RAPSN: variants seen among roughly 807,000 people sequenced by gnomAD.
RAPSN encodes 43 kDa receptor-associated protein of the synapse.
A neutral mutation model predicts 45.7 loss-of-function variants in RAPSN; 33 were observed. The ratio of observed to expected loss-of-function variants is 0.72; its 90% CI spans 0.55 to 0.97. RAPSN has a LOEUF of 0.97. Among genes scored for constraint, RAPSN ranks in the 50% least tolerant of loss-of-function variants. RAPSN has a pLI of 0.00. For synonymous variants in RAPSN, 244 were observed against 233.6 expected (o/e 1.04, Z -0.40); for missense variants, 519 against 559.4 (o/e 0.93, Z 0.73).
In RAPSN at chr11:47,437,872, G is replaced by A; in HGVS notation, c.*103C>T. 6.9e-7 allele frequency: 1 copy of A among 1,459,778 alleles called. No homozygotes were observed. Among genetic ancestry groups the A allele is most frequent in the Non-Finnish European group, 9.4e-7 (1 of 1,066,716 alleles). 90.4% of individuals were successfully genotyped at this position (1,459,778 alleles called of 1,614,324 possible). A position where few individuals can be genotyped will look rare whatever the true frequency, so the allele number is the denominator to read the frequency against. On this transcript the variant is annotated 3_prime_UTR_variant, in exon 8 of 8. Coordinates refer to ENST00000298854, the MANE Select transcript of RAPSN (RefSeq NM_005055.5). ...GGCAGGCCCCAAGGCCTTGGCTATG[G>A]TGAGGACGACCTGGCAGCTGCCCCA... is the stretch of plus-strand genomic sequence containing the variant.
intron 2 of RAPSN, among the ~76,000 whole-genome samples, chr11:47,446,862 A>G (rs1291331142): frequency 1.3e-5 from 2 of 152,072 alleles, no homozygotes; most frequent in African/African-American, 4.8e-5. Flanking sequence ...CCGAGATGGC[A>G]CCACTGCACT....
intron 6 of RAPSN, among the ~76,000 whole-genome samples, chr11:47,439,330 C>T (rs2076343820): frequency 6.6e-6 from 1 of 152,024 alleles, no homozygotes; most frequent in Non-Finnish European, 1.5e-5. Context: ...AAAAATTAGC[C>T]GGGGGTGGTG....
chr11:47,445,454 G>T (rs1164895779), intron 2 of RAPSN, among the ~76,000 whole-genome samples: 2 of 151,316 alleles, frequency 1.3e-5, no homozygotes, highest in African/African-American at 4.8e-5. Context: ...AAATTAGCTG[G>T]GCATAGTGGC....
intron 6 of RAPSN, among the ~76,000 whole-genome samples, chr11:47,440,854 G>T (rs368306772): frequency 3.5e-4 from 53 of 151,966 alleles, no homozygotes; most frequent in Non-Finnish European, 8.8e-5. Context: ...CTCCTACCTC[G>T]GCCTCCCAAA....
At chr11:47,440,593 C>G (rs2153307781) in intron 6 of RAPSN, among the ~76,000 whole-genome samples, 2 of 152,136 alleles carry the variant, frequency 1.3e-5, no homozygotes, top group Admixed American at 6.5e-5. Context: ...ATAAAAAATA[C>G]AAAAATTAGC....
intron 6 of RAPSN, among the ~76,000 whole-genome samples, chr11:47,439,711 G>GTTTT (rs2076348057): frequency 7.9e-5 from 4 of 50,412 alleles, no homozygotes; most frequent in East Asian, 6.9e-4. Context: ...AGATTATGAC[G>GTTTT]ATTTTTTTTT....
chr11:47,441,495 G>A (rs550113531), intron 5 of RAPSN, 116 bp downstream of exon 5: 39 of 1,533,104 alleles, frequency 2.5e-5, no homozygotes, highest in African/African-American at 1.4e-4. Context: ...TCCTGGCCTC[G>A]TAGGATCAGG....
intron 6 of RAPSN, among the ~76,000 whole-genome samples, chr11:47,440,007 G>C (rs1428007463): frequency 6.6e-6 from 1 of 152,058 alleles, no homozygotes. Context: ...TGGTTTTTAG[G>C]CCATGCTAAT....
chr11:47,438,071 C>T, intron 7 of RAPSN, 24 bp from the exon 8 acceptor site: 1 of 1,549,486 alleles, frequency 6.5e-7, no homozygotes, highest in South Asian at 1.2e-5. Flanking sequence ...GGGCCCTGTC[C>T]ACTCCCCTGA....
At chr11:47,442,191 T>C (rs1408109263) in intron 3 of RAPSN, among the ~76,000 whole-genome samples, 1 of 152,178 alleles carries the variant, frequency 6.6e-6, no homozygotes, top group Non-Finnish European at 1.5e-5. Context: ...TCAGTGGGAC[T>C]CCAGAAACTG....
intron 6 of RAPSN, among the ~76,000 whole-genome samples, chr11:47,440,011 T>C (rs1005830093): frequency 2.0e-4 from 31 of 152,166 alleles, no homozygotes; most frequent in Non-Finnish European, 7.3e-5. Context: ...TTTTAGGCCA[T>C]GCTAATCTTC....
chr11:47,437,810 G>T lies in RAPSN; in HGVS notation c.*165C>A, dbSNP rs954767633. The T allele has an allele frequency of 1.2e-6, 1 of 810,412 alleles. No homozygotes were observed. Among genetic ancestry groups the T allele is most frequent in the Non-Finnish European group, 2.1e-6 (1 of 484,236 alleles). The allele number at this position is 810,412 out of a possible 1,614,324, so 50.2% of individuals were successfully genotyped here. ...TTCTATAAAGAGCAAAGTACAAAGA[G>T]GCAGGGAGGGGAGCTGGGCCCAGGG... On this transcript the variant is annotated 3_prime_UTR_variant, in exon 8 of 8. Coordinates refer to ENST00000298854, the MANE Select transcript of RAPSN (RefSeq NM_005055.5).
At chr11:47,443,152 T>C (rs1430545082) in intron 2 of RAPSN, among the ~76,000 whole-genome samples, 1 of 152,160 alleles carries the variant, frequency 6.6e-6, no homozygotes, top group Non-Finnish European at 1.5e-5. Context: ...CAATGCCAAA[T>C]GGGCTCCTCA....
chr11:47,442,671 G>A lies in RAPSN; in HGVS notation c.675C>T (p.Ala225=), dbSNP rs1463651202. Residue 225 remains alanine (A), a synonymous_variant, in exon 3 of 8, where the codon GCC becomes GCT. Transcript: ENST00000298854. The stretch of plus-strand genomic sequence containing the variant: ...GCTGCCCCACCTCACAACACTCCAT[G>A]GCACTGCCCAGGCGGCCCAGCAGGC... The part of the protein sequence containing the change: ...AYRLLGRLGS[A]MECCEESMKI... The A allele has an allele frequency of 1.2e-6, 2 of 1,614,124 alleles. No homozygotes were observed. Among genetic ancestry groups the A allele is most frequent in the African/African-American group, 2.7e-5 (2 of 75,050 alleles).
At position 47,448,791 on chromosome 11, in the gene RAPSN, G is replaced by T. The variant is rs2153311690; in HGVS notation, c.174C>A (p.Arg58=). The part of the protein sequence containing the change: ...CLVTAHSEMG[R]YKEMLKFAVV... ...CACCCACCTTCAGCATCTCCTTGTAGCGGCCCATCTCCGAGTGGGCTGTGA... is the reference window on the plus strand; with the variant it reads ...CACCCACCTTCAGCATCTCCTTGTATCGGCCCATCTCCGAGTGGGCTGTGA... The change falls in exon 1 of 8, where the codon CGC becomes CGA. Residue 58 remains arginine, a synonymous_variant. Transcript: ENST00000298854. 6.2e-7 allele frequency: 1 copy of T among 1,611,442 alleles called. No individual in the cohort carries two copies.
At chr11:47,444,954 T>TG (rs765937781) in intron 2 of RAPSN, among the ~76,000 whole-genome samples, 22 of 151,546 alleles carry the variant, frequency 1.5e-4, no homozygotes, top group Non-Finnish European at 2.9e-4. Flanking sequence ...CCGGGCGCAG[T>TG]GGCTTATGCC....
chr11:47,442,266 T>G (rs2076371581), intron 3 of RAPSN, among the ~76,000 whole-genome samples: 1 of 151,972 alleles, frequency 6.6e-6, no homozygotes, highest in Admixed American at 6.6e-5. Flanking sequence ...GGAAGCCCCC[T>G]CCCCTGCAGA....
intron 7 of RAPSN, 114 bp downstream of exon 7, chr11:47,438,618 T>C (rs2076333754): frequency 7.5e-7 from 1 of 1,332,796 alleles, no homozygotes; most frequent in Admixed American, 2.1e-5. Context: ...GCACCACGCC[T>C]GGCCAAGGTT....
At chr11:47,446,907 G>A (rs1029335504) in intron 2 of RAPSN, among the ~76,000 whole-genome samples, 8 of 152,024 alleles carry the variant, frequency 5.3e-5, no homozygotes, top group African/African-American at 1.4e-4. Flanking sequence ...CTCCGCCCCT[G>A]CCCCCGCCAA....
Sources: gnomAD v4.1 joint callset for allele counts (sites outside exome capture counted in the v4.1 genomes callset) on GRCh38, gnomAD v4.1.1 for gene constraint, MANE v1.5 for transcripts, NCBI Gene and HGNC (gene_info 2026-07-23, HGNC 2026-07-21) for gene names.